The following LITAF variants were observed in gnomAD, a reference collection of about 807,000 sequenced individuals.
The protein encoded by LITAF is lipopolysaccharide induced TNF factor, also known as lipopolysaccharide-induced tumor necrosis factor-alpha factor.
LITAF carries 9 observed loss-of-function variants against 14.5 expected under a neutral mutation model. The observed-to-expected ratio is 0.62, with a 90% confidence interval of 0.37 to 1.08. The LOEUF is 1.08. Among genes scored for constraint, LITAF ranks in the 50% least tolerant of loss-of-function variants. LITAF has a pLI of 0.01. For missense variants in LITAF, 206 were observed against 213.4 expected (o/e 0.97, Z 0.22); for synonymous variants, 98 against 88.2 (o/e 1.11, Z -0.62).
intron 3 of LITAF, among the ~76,000 whole-genome samples, chr16:11,610,710 G>A (rs1158327536): frequency 6.6e-6 from 1 of 152,146 alleles, no homozygotes; most frequent in Non-Finnish European, 1.5e-5. Flanking sequence ...GGGTTGTGCA[G>A]GTTGCGCACT....
At chr16:11,633,961 T>C (rs2065128813) in intron 2 of LITAF, among the ~76,000 whole-genome samples, 1 of 152,108 alleles carries the variant, frequency 6.6e-6, no homozygotes, top group Non-Finnish European at 1.5e-5. Flanking sequence ...CCCTGGAACA[T>C]AGGAAGTGCC....
At chr16:11,597,939 T>C (rs8053748) in intron 1 of LITAF, among the ~76,000 whole-genome samples, 106,518 of 152,054 alleles carry the variant, frequency 0.7, 38,599 homozygotes, top group African/African-American at 0.9. Context: ...CAGGGTCTTG[T>C]GTAGTCACCC....
At chr16:11,633,045 G>A (rs1185161087) in intron 3 of LITAF, among the ~76,000 whole-genome samples, 1 of 152,176 alleles carries the variant, frequency 6.6e-6, no homozygotes, top group Non-Finnish European at 1.5e-5. Context: ...TGGGGCCTGG[G>A]AAAGGAGGTC....
exon 3 of LITAF, chr16:11,633,535 A>T (rs945301423): frequency 2.6e-5 from 4 of 152,120 alleles, no homozygotes; most frequent in Non-Finnish European, 5.9e-5. Flanking sequence ...AAACTCACCA[A>T]AACCAAGACG....
chr16:11,586,270 C>T lies in LITAF; in HGVS notation c.-6+616G>A, dbSNP rs1212502668. 2.6e-5 allele frequency: 4 copies of T among 152,256 alleles called. No individual in the cohort carries two copies. The highest frequency in any genetic ancestry group is 9.6e-5 in the African/African-American group (4 of 41,468). The allele number at this position is 152,256 out of a possible 1,614,324, so 9.4% of individuals were successfully genotyped here. ...GCGGGGAGGGGTCAGGCCTAGGGGCCACGGCCCGCTTCGCTCTCTGATTTT... is the reference window on the plus strand; with the variant it reads ...GCGGGGAGGGGTCAGGCCTAGGGGCTACGGCCCGCTTCGCTCTCTGATTTT... On this transcript the variant is annotated intron_variant, in intron 1 of 3. Transcript: ENST00000622633. The surrounding 1 kb of genome is among the most constrained non-coding windows in gnomAD (Gnocchi z 6.5).
At chr16:11,567,543 A>G (rs56019426) in intron 1 of LITAF, among the ~76,000 whole-genome samples, 31,572 of 152,238 alleles carry the variant, frequency 0.21, 4,440 homozygotes, top group Non-Finnish European at 0.31. Context: ...AAGCTGCCGC[A>G]GTCTCCAAAC....
chr16:11,552,668 C>T (rs79369736), intron 3 of LITAF, among the ~76,000 whole-genome samples: 106 of 152,252 alleles, frequency 7.0e-4, no homozygotes, highest in East Asian at 1.9e-3. Flanking sequence ...TTTCTGGGGA[C>T]GGATACGCTT....
intron 1 of LITAF, among the ~76,000 whole-genome samples, chr16:11,577,392 AC>A (rs1264632598): frequency 1.4e-5 from 2 of 138,668 alleles, no homozygotes; most frequent in African/African-American, 5.5e-5. Flanking sequence ...ATCTCGGCTC[AC>A]TGCAAGCTCC....
chr16:11,630,162 G>T (rs887825821), intron 3 of LITAF, among the ~76,000 whole-genome samples: 1 of 152,068 alleles, frequency 6.6e-6, no homozygotes, highest in African/African-American at 2.4e-5. Flanking sequence ...GCGTTGGGGG[G>T]GCTCCAAACC....
In LITAF at chr16:11,634,009, C is replaced by T. The variant is rs2141911418; in HGVS notation, c.-20-372G>A. On this transcript the variant is annotated intron_variant, in intron 2 of 3. Transcript: ENST00000574848. This position sits in a 1 kb window ranked among gnomAD's most constrained non-coding sequence, Gnocchi z 4.1. ...GCTGTGATTAGTGGCATCACACACG[C>T]AGACATGTGTAAGGCCACTTAGCAA... Among the ~76,000 whole-genome samples, 1 of 152,298 alleles carries T rather than the reference C, an allele frequency of 6.6e-6. No individual in the cohort carries two copies. The highest frequency in any genetic ancestry group is 1.9e-4 in the East Asian group (1 of 5,188).
chr16:11,621,144 A>C (rs2065048538), intron 3 of LITAF, among the ~76,000 whole-genome samples: 1 of 151,662 alleles, frequency 6.6e-6, no homozygotes, highest in South Asian at 2.1e-4. Context: ...GGCTCACCGC[A>C]ACCTCCGCCT....
At chr16:11,628,809 T>A (rs1193365656) in intron 3 of LITAF, among the ~76,000 whole-genome samples, 1 of 152,304 alleles carries the variant, frequency 6.6e-6, no homozygotes, top group East Asian at 1.9e-4. Flanking sequence ...TCCTAGTAGC[T>A]GGGATTTCAG....
In LITAF at chr16:11,556,552, G is replaced by A. The variant is rs765644026; in HGVS notation, c.179C>T (p.Ser60Leu). The A allele has an allele frequency of 1.1e-5, 18 of 1,614,064 alleles. No individual in the cohort carries two copies. The highest frequency in any genetic ancestry group is 1.6e-4 in the Middle Eastern group (1 of 6,082). ...GPDGKGMNPP[S>L]YYTQPAPIPN... Reference sequence around the variant, plus strand: ...GATGGGCGCTGGCTGGGTATAATACGAAGGAGGATTCATGCCCTTCCCATC... The same window carrying A: ...GATGGGCGCTGGCTGGGTATAATACAAAGGAGGATTCATGCCCTTCCCATC... Residue 60 changes from serine (S) to leucine (L), a missense_variant, in exon 2 of 4, where the codon TCG (serine) becomes TTG (leucine). Coordinates refer to ENST00000622633, the MANE Select transcript of LITAF (RefSeq NM_001136472.2).
chr16:11,601,567 T>C (rs2064926397), upstream of LITAF, among the ~76,000 whole-genome samples: 1 of 152,166 alleles, frequency 6.6e-6, no homozygotes, highest in African/African-American at 2.4e-5. Flanking sequence ...GAGCCGCTTT[T>C]GTTTATTTAT....
At position 11,564,584 on chromosome 16, in the gene LITAF, G is replaced by C. The variant is rs570950684; in HGVS notation, c.-5-7849C>G. Among the ~76,000 whole-genome samples, 27 of 94,924 alleles carry C rather than the reference G, an allele frequency of 2.8e-4. 1 individual carries two copies. In the South Asian group the frequency reaches 9.4e-3, roughly 33 times the overall value. 62.3% of individuals were successfully genotyped at this position (94,924 alleles called of 152,430 possible). A position where few individuals can be genotyped will look rare whatever the true frequency, so the allele number is the denominator to read the frequency against. On this transcript the variant is annotated intron_variant, in intron 1 of 3. Transcript: ENST00000622633. ...TCTTGAATTTTTTTTTTTTAATGGG[G>C]AGATTGCAGGGGAGTGCAAGGATAA...
intron 1 of LITAF, among the ~76,000 whole-genome samples, chr16:11,592,930 G>T (rs2064856536): frequency 6.6e-6 from 1 of 152,102 alleles, no homozygotes; most frequent in African/African-American, 2.4e-5. Flanking sequence ...CAGCACTTTG[G>T]GAGGCCGAGG....
chr16:11,612,114 C>T (rs1417761451), intron 3 of LITAF, among the ~76,000 whole-genome samples: 1 of 152,206 alleles, frequency 6.6e-6, no homozygotes, highest in East Asian at 1.9e-4. Flanking sequence ...TGGGTGCCCA[C>T]ACAGCCATGT....
intron 1 of LITAF, among the ~76,000 whole-genome samples, chr16:11,596,285 T>C (rs2064885634): frequency 6.6e-6 from 1 of 151,952 alleles, no homozygotes; most frequent in East Asian, 1.9e-4. Context: ...AGGGGCCCTG[T>C]AAACCGCAGG....
chr16:11,560,826 T>C (rs1362271094), intron 1 of LITAF, among the ~76,000 whole-genome samples: 2 of 152,248 alleles, frequency 1.3e-5, no homozygotes, highest in South Asian at 2.1e-4. Flanking sequence ...CAGGAGGTGT[T>C]TGTGAAAACA....
Sources: gnomAD v4.1 joint callset for allele counts (sites outside exome capture counted in the v4.1 genomes callset) on GRCh38, gnomAD v4.1.1 for gene constraint, Gnocchi (gnomAD v3.1) non-coding constraint, MANE v1.5 for transcripts, NCBI Gene and HGNC (gene_info 2026-07-23, HGNC 2026-07-21) for gene names.